The following CREBBP variants were observed in gnomAD, a reference collection of about 807,000 sequenced individuals.
The protein encoded by CREBBP is CREB-binding protein.
Under a neutral mutation model 265.0 loss-of-function variants are expected in CREBBP, and 19 were observed. That is an observed-to-expected ratio of 0.07 (90% CI 0.05 to 0.11). The LOEUF (loss-of-function observed/expected upper bound fraction) is 0.11, where lower values mean the gene tolerates loss of function less well. CREBBP is among the 10% of genes least tolerant of loss of function. The pLI is 1.00. For synonymous variants in CREBBP, 1,457 were observed against 1,223.7 expected (o/e 1.19, Z -3.98); for missense variants, 2,525 against 3,219.0 (o/e 0.78, Z 5.22).
intron 5 of CREBBP, chr16:3,784,412 TGAC>T (rs2141257490): frequency 6.6e-6 from 1 of 152,364 alleles, no homozygotes; most frequent in Admixed American, 6.5e-5. Context: ...GTGCACTTTA[TGAC>T]AAGTGTGTAG....
Position 3,725,614 on chromosome 16 carries a change from G to A in CREBBP, c.*2104C>T, listed in dbSNP as rs1214455915. On this transcript the variant is annotated 3_prime_UTR_variant, in exon 31 of 31. Coordinates refer to ENST00000262367, the MANE Select transcript of CREBBP (RefSeq NM_004380.3). ...CCTGGGATGGGGTGAATGGGGGCTG[G>A]TCAGGGGTGCCAGATGGTGGTCTTA... 1 of 233,220 alleles carries A rather than the reference G, an allele frequency of 4.3e-6. No homozygotes were observed. Among genetic ancestry groups the A allele is most frequent in the Non-Finnish European group, 8.5e-6 (1 of 118,078 alleles). The allele number at this position is 233,220 out of a possible 1,614,324, so 14.4% of individuals were successfully genotyped here. A position where few individuals can be genotyped will look rare whatever the true frequency, so the allele number is the denominator to read the frequency against.
intron 24 of CREBBP, 100 bp downstream of exon 24, chr16:3,740,299 G>T: frequency 6.8e-7 from 1 of 1,461,938 alleles, no homozygotes; most frequent in Non-Finnish European, 9.5e-7. Context: ...GCAAAGTCTT[G>T]GAAGGATGAC....
At chr16:3,827,400 T>C (rs1410027161) in intron 2 of CREBBP, among the ~76,000 whole-genome samples, 1 of 152,194 alleles carries the variant, frequency 6.6e-6, no homozygotes, top group East Asian at 1.9e-4. Context: ...ATTTTATTGA[T>C]TGATTGACTG....
At chr16:3,759,518 C>CGGA (rs2052661824) in intron 16 of CREBBP, among the ~76,000 whole-genome samples, 1 of 150,348 alleles carries the variant, frequency 6.7e-6, no homozygotes, top group Admixed American at 6.6e-5. Flanking sequence ...ACCCAGGAGA[C>CGGA]GGAGGTTGCA....
intron 17 of CREBBP, 35 bp downstream of exon 17, chr16:3,758,819 G>T: frequency 6.7e-7 from 1 of 1,495,682 alleles, no homozygotes; most frequent in Non-Finnish European, 9.3e-7. Context: ...AGTCACACCA[G>T]CAAAGTTATA....
At chr16:3,798,683 A>G (rs1422513243) in intron 3 of CREBBP, among the ~76,000 whole-genome samples, 1 of 152,230 alleles carries the variant, frequency 6.6e-6, no homozygotes, top group African/African-American at 2.4e-5. Context: ...AACCAATAGC[A>G]ACAGGGTGGC....
At chr16:3,754,683 C>G (rs1004690513) in intron 19 of CREBBP, among the ~76,000 whole-genome samples, 1 of 152,126 alleles carries the variant, frequency 6.6e-6, no homozygotes, top group Admixed American at 6.5e-5. Context: ...CAGATACTAA[C>G]TGGGAAAGCT....
At chr16:3,791,011 C>T (rs1466840859) in intron 5 of CREBBP, among the ~76,000 whole-genome samples, 1 of 152,052 alleles carries the variant, frequency 6.6e-6, no homozygotes, top group Admixed American at 6.6e-5. Context: ...GGAATGAACA[C>T]GTAATACACA....
intron 24 of CREBBP, 33 bp from the exon 25 acceptor site, chr16:3,739,757 A>C: frequency 6.2e-7 from 1 of 1,614,152 alleles, no homozygotes; most frequent in Non-Finnish European, 8.5e-7. Flanking sequence ...ACATTTACAA[A>C]GGCTGTTGCT....
chr16:3,799,121 T>C (rs944291061), intron 3 of CREBBP, among the ~76,000 whole-genome samples: 3 of 152,326 alleles, frequency 2.0e-5, no homozygotes, highest in African/African-American at 2.4e-5. Context: ...CCAGAATAGA[T>C]ACATCCATGG....
intron 3 of CREBBP, 137 bp from the exon 4 acceptor site, chr16:3,793,763 C>T (rs2053552669): frequency 1.9e-6 from 2 of 1,026,088 alleles, no homozygotes; most frequent in Non-Finnish European, 2.8e-6. Context: ...GTTCTCTAAC[C>T]CACTGATGAC....
rs888675140 is a variant in CREBBP, at chr16:3,729,286, A to G, written c.5761T>C (p.Phe1921Leu). The change falls in exon 31 of 31, where the codon TTC becomes CTC. Residue 1921 changes from phenylalanine to leucine, a missense_variant. Physicochemically the swap from Phe to Leu is conservative, Grantham distance 22. This residue lies in a region of CREBBP where 275 missense variants were observed against 276.5 expected (regional missense o/e 0.99). Coordinates refer to ENST00000262367, the MANE Select transcript of CREBBP (RefSeq NM_004380.3). ...PSPVSMSPAG[F>L]PSVARTQPPT... is the part of the protein sequence containing the mutation. ...GGCTGAGTCCGGGCCACGCTGGGGAAGCCAGCTGGTGACATGCTCACGGGT... is the reference window on the plus strand; with the variant it reads ...GGCTGAGTCCGGGCCACGCTGGGGAGGCCAGCTGGTGACATGCTCACGGGT... The G allele has an allele frequency of 2.6e-6, 4 of 1,535,480 alleles. No individual in the cohort carries two copies. The highest frequency in any genetic ancestry group is 3.5e-6 in the Non-Finnish European group (4 of 1,145,422).
At chr16:3,863,679 G>A (rs916237228) in intron 1 of CREBBP, among the ~76,000 whole-genome samples, 5 of 152,166 alleles carry the variant, frequency 3.3e-5, no homozygotes, top group African/African-American at 1.2e-4. Context: ...AAACTGTCCT[G>A]GAAATGCAGC....
intron 13 of CREBBP, 56 bp from the exon 14 acceptor site, chr16:3,771,042 G>T: frequency 6.3e-7 from 1 of 1,590,834 alleles, no homozygotes; most frequent in Middle Eastern, 1.7e-4. Context: ...AAAATGTGAT[G>T]AAACATTTGA....
chr16:3,785,797 A>G (rs959262214), intron 5 of CREBBP, among the ~76,000 whole-genome samples: 5 of 152,204 alleles, frequency 3.3e-5, no homozygotes, highest in Admixed American at 2.6e-4. Flanking sequence ...TCCTCGCTAG[A>G]GCATAAAGCT....
At chr16:3,878,472 C>T (rs1040713752) in intron 1 of CREBBP, among the ~76,000 whole-genome samples, 1 of 152,200 alleles carries the variant, frequency 6.6e-6, no homozygotes, top group African/African-American at 2.4e-5. Context: ...TATGATTGAT[C>T]TTTAAAAATC....
At chr16:3,877,225 T>C (rs189294551) in intron 1 of CREBBP, among the ~76,000 whole-genome samples, 1 of 152,296 alleles carries the variant, frequency 6.6e-6, no homozygotes, top group Admixed American at 6.5e-5. Flanking sequence ...GTCACTAAAA[T>C]AAGATTGAGT....
intron 25 of CREBBP, 52 bp downstream of exon 25, chr16:3,739,526 A>G (rs2151336242): frequency 6.2e-7 from 1 of 1,611,226 alleles, no homozygotes; most frequent in Non-Finnish European, 8.5e-7. Flanking sequence ...GCCCTGGTCT[A>G]TCCTAACACG....
chr16:3,833,593 A>G (rs2054385353), intron 2 of CREBBP, among the ~76,000 whole-genome samples: 1 of 152,222 alleles, frequency 6.6e-6, no homozygotes, highest in Non-Finnish European at 1.5e-5. Flanking sequence ...TGAGTTTAGC[A>G]GGGTTACAAG....
Sources: allele counts gnomAD v4.1 joint callset (sites outside exome capture counted in the v4.1 genomes callset), GRCh38; gene constraint gnomAD v4.1.1; regional missense constraint gnomAD v4.1.1; transcripts MANE v1.5; gene names NCBI Gene and HGNC (gene_info 2026-07-23, HGNC 2026-07-21).